SLC18A1: variants seen among roughly 807,000 people sequenced by gnomAD.
SLC18A1 encodes the protein chromaffin granule amine transporter.
In SLC18A1, 69 loss-of-function variants were observed where a neutral mutation model predicts 53.7. That is an observed-to-expected ratio of 1.28 (90% CI 1.06 to 1.57). The LOEUF (loss-of-function observed/expected upper bound fraction) is 1.57, where lower values mean the gene tolerates loss of function less well. Ranked by LOEUF, SLC18A1 falls within the 40% of genes most tolerant of loss-of-function variation. SLC18A1 has a pLI of 0.00. For synonymous variants in SLC18A1, 320 were observed against 248.1 expected (o/e 1.29, Z -2.72); for missense variants, 932 against 668.1 (o/e 1.40, Z -4.35).
intron 8 of SLC18A1, among the ~76,000 whole-genome samples, chr8:20,169,533 T>A (rs2072057179): frequency 6.6e-6 from 1 of 152,172 alleles, no homozygotes; most frequent in African/African-American, 2.4e-5. Context: ...CAATCTACTG[T>A]CAACTGGCTC....
At chr8:20,178,613 C>T (rs532069183) in intron 3 of SLC18A1, 120 bp from the exon 4 acceptor site, 27 of 714,290 alleles carry the variant, frequency 3.8e-5, no homozygotes, top group South Asian at 7.4e-5. Flanking sequence ...GTAAAACATG[C>T]CTCTGAATGT....
chr8:20,146,508 T>A (rs1337375190), intron 15 of SLC18A1, among the ~76,000 whole-genome samples: 1 of 152,186 alleles, frequency 6.6e-6, no homozygotes. Flanking sequence ...TCTGTCGGTA[T>A]CCCAAACCCA....
chr8:20,179,254 A>C lies in SLC18A1; in HGVS notation c.355T>G (p.Ser119Ala). ...TIPPPATEAI[S>A]AHKNNCLQGT... ...TGCAAGCAGTTGTTTTTATGAGCTG[A>C]GATGGCTTCAGTGGCTGGAGGTGGG... The change falls in exon 3 of 16, where the codon TCA (serine) becomes GCA (alanine). Residue 119 changes from serine (S) to alanine (A), a missense_variant. Transcript: ENST00000276373. 3 of 1,614,168 alleles carry C rather than the reference A, an allele frequency of 1.9e-6. No homozygotes were observed. The highest frequency in any genetic ancestry group is 2.5e-6 in the Non-Finnish European group (3 of 1,180,036).
intron 4 of SLC18A1, among the ~76,000 whole-genome samples, chr8:20,178,151 C>CACACACACA (rs3043842): frequency 6.8e-6 from 1 of 146,214 alleles, no homozygotes; most frequent in Non-Finnish European, 1.5e-5. Context: ...CACACACACA[C>CACACACACA]CCCGTAGCAT....
chr8:20,146,504 G>A (rs111653104), intron 15 of SLC18A1, among the ~76,000 whole-genome samples: 12 of 152,072 alleles, frequency 7.9e-5, no homozygotes, highest in African/African-American at 2.9e-4. Flanking sequence ...AGCCTCTGTC[G>A]GTATCCCAAA....
rs188083261 is a variant in SLC18A1 at position 20,168,052 on chromosome 8, T to C, written c.859-2945A>G. ...TATTTTTGTATCGAAAAGTAAAACA[T>C]TACTCAAAAAACAATGAAGGTATGT... On this transcript the variant is annotated intron_variant, in intron 8 of 15. Coordinates refer to ENST00000276373, the MANE Select transcript of SLC18A1 (RefSeq NM_003053.4). Among the ~76,000 whole-genome samples, 839 of 152,152 alleles carry C rather than the reference T, an allele frequency of 5.5e-3. 5 individuals are homozygous for C. Among genetic ancestry groups the C allele is most frequent in the Non-Finnish European group, 7.9e-3 (539 of 68,020 alleles).
chr8:20,159,634 C>CAAAAAAAA lies in SLC18A1; in HGVS notation c.1015+5227_1015+5234dup, dbSNP rs200123466. 2.2e-3 allele frequency among the ~76,000 whole-genome samples: 182 copies of CAAAAAAAA among 81,464 alleles called. 1 individual carries two copies. The highest frequency in any genetic ancestry group is 2.9e-3 in the Non-Finnish European group (104 of 35,590). The allele number at this position is 81,464 out of a possible 152,430, so 53.4% of individuals were successfully genotyped here. ...TCACTCTATTAAATCTTGCAGCTGC[C>CAAAAAAAA]AAAAAAAAAAAAAAAAAAAAAAAAA... On this transcript the variant is annotated intron_variant, in intron 10 of 15. Transcript: ENST00000276373.
At chr8:20,155,293 C>A (rs1280548013) in intron 10 of SLC18A1, among the ~76,000 whole-genome samples, 1 of 152,184 alleles carries the variant, frequency 6.6e-6, no homozygotes, top group African/African-American at 2.4e-5. Flanking sequence ...TCTGTCCTAT[C>A]CTTCCTTAGA....
chr8:20,157,884 G>A (rs1247378395), intron 10 of SLC18A1, among the ~76,000 whole-genome samples: 3 of 152,162 alleles, frequency 2.0e-5, no homozygotes, highest in Non-Finnish European at 4.4e-5. Context: ...TGGAAAGCCT[G>A]GGCAAATCAA....
Position 20,174,417 on chromosome 8 carries a change from A to C in SLC18A1, c.575T>G (p.Leu192Arg). ...VMFAFSGTYT[L>R]LFVARTLQGI... Reference sequence around the variant, plus strand: ...TTGAAGGGTTCGGGCCACAAAGAGTAGAGTATAGGTCCCAGAAAAAGCAAA... The same window carrying C: ...TTGAAGGGTTCGGGCCACAAAGAGTCGAGTATAGGTCCCAGAAAAAGCAAA... The change falls in exon 5 of 16, where the codon CTA becomes CGA. Residue 192 changes from leucine to arginine, a missense_variant. Physicochemically the swap from Leu to Arg is moderately radical, Grantham distance 102 (BLOSUM62 -2). Transcript: ENST00000276373. The C allele has an allele frequency of 6.2e-7, 1 of 1,614,058 alleles. No individual in the cohort carries two copies. The highest frequency in any genetic ancestry group is 2.2e-5 in the East Asian group (1 of 44,878).
chr8:20,162,777 A>G (rs537602662), intron 10 of SLC18A1, among the ~76,000 whole-genome samples: 42 of 152,286 alleles, frequency 2.8e-4, no homozygotes, highest in African/African-American at 9.6e-4. Flanking sequence ...ACCAATGTCT[A>G]AAAAGATTCA....
intron 1 of SLC18A1, 84 bp from the exon 2 acceptor site, chr8:20,181,171 T>G (rs995092018): frequency 4.4e-6 from 2 of 450,552 alleles, no homozygotes; most frequent in Non-Finnish European, 7.8e-6. Context: ...TGTTCACTTC[T>G]TATAAATCTC....
chr8:20,178,942 C>T (rs1442028317), intron 3 of SLC18A1, among the ~76,000 whole-genome samples, 179 bp downstream of exon 3: 1 of 152,130 alleles, frequency 6.6e-6, no homozygotes. Flanking sequence ...AAAATCTGAT[C>T]CCATAACATT....
chr8:20,170,337 T>C (rs887804919), intron 8 of SLC18A1, among the ~76,000 whole-genome samples: 4 of 152,172 alleles, frequency 2.6e-5, no homozygotes, highest in African/African-American at 9.7e-5. Context: ...ACTTATTTCA[T>C]GGAATGTGTA....
At chr8:20,171,270 T>C in intron 7 of SLC18A1, 124 bp from the exon 8 acceptor site, 1 of 1,334,062 alleles carries the variant, frequency 7.5e-7, no homozygotes, top group Non-Finnish European at 1.1e-6. Flanking sequence ...TTCTTTCTTT[T>C]CTACAACGGG....
chr8:20,167,735 C>T (rs2072005103), intron 8 of SLC18A1, among the ~76,000 whole-genome samples: 1 of 152,126 alleles, frequency 6.6e-6, no homozygotes, highest in South Asian at 2.1e-4. Context: ...ATTCTCCTGC[C>T]TCAGCCTCCT....
chr8:20,156,558 TA>T (rs1215328694), intron 10 of SLC18A1, among the ~76,000 whole-genome samples: 1 of 152,176 alleles, frequency 6.6e-6, no homozygotes, highest in Non-Finnish European at 1.5e-5. Context: ...AATTGCCTAA[TA>T]ATTGGTCTGC....
At chr8:20,174,485 T>C in intron 4 of SLC18A1, 41 bp from the exon 5 acceptor site, 1 of 1,424,592 alleles carries the variant, frequency 7.0e-7, no homozygotes, top group Non-Finnish European at 9.9e-7. Context: ...GTTAGCAAAT[T>C]GCCTTTGCTT....
In SLC18A1 at chr8:20,148,551, C is replaced by A. The variant is rs1035686311; in HGVS notation, c.1147-481G>T. On this transcript the variant is annotated intron_variant, in intron 12 of 15. Transcript: ENST00000276373. ...AAAGAAGATAGAGAAGAGGCCCCAA[C>A]AACCAGTTAGCTGTAAGCTAGAGGG... The A allele has an allele frequency of 6.6e-6, 7 of 1,061,750 alleles. No homozygotes were observed. The African/African-American group carries it at 1.1e-4, about 17-fold the overall frequency. 65.8% of individuals were successfully genotyped at this position (1,061,750 alleles called of 1,614,324 possible). A position where few individuals can be genotyped will look rare whatever the true frequency, so the allele number is the denominator to read the frequency against.
Sources: allele counts gnomAD v4.1 joint callset (sites outside exome capture counted in the v4.1 genomes callset), GRCh38; gene constraint gnomAD v4.1.1; transcripts MANE v1.5; gene names NCBI Gene and HGNC (gene_info 2026-07-23, HGNC 2026-07-21).